ZNF804B: variants seen among roughly 807,000 people sequenced by gnomAD.
ZNF804B encodes the protein zinc finger protein 804B.
ZNF804B carries 80 observed loss-of-function variants against 101.4 expected under a neutral mutation model. The observed-to-expected ratio is 0.79, with a 90% CI of 0.66 to 0.95. The LOEUF is 0.95. ZNF804B is among the 40% of genes least tolerant of loss of function. The pLI, the probability that ZNF804B is intolerant of heterozygous loss-of-function variation, is 0.00. For synonymous variants in ZNF804B, 622 were observed against 558.8 expected, an observed-to-expected ratio of 1.11 and a Z score of -1.59; for missense variants, 1,673 against 1,561.9, an observed-to-expected ratio of 1.07 and a Z score of -1.20.
At chr7:89,273,855 T>A (rs1163724320) in intron 2 of ZNF804B, among the ~76,000 whole-genome samples, 1 of 152,164 alleles carries the variant, frequency 6.6e-6, no homozygotes, top group South Asian at 2.1e-4. Flanking sequence ...TAAATAACGA[T>A]AAAATGAGTT....
At chr7:88,858,363 A>C (rs1020405852) in intron 1 of ZNF804B, among the ~76,000 whole-genome samples, 3 of 152,214 alleles carry the variant, frequency 2.0e-5, no homozygotes, top group Admixed American at 6.5e-5. Flanking sequence ...TAACTTTAGC[A>C]ACAAAAATAT....
chr7:89,247,249 C>G (rs1467226777), intron 2 of ZNF804B, among the ~76,000 whole-genome samples: 1 of 152,198 alleles, frequency 6.6e-6, no homozygotes, highest in African/African-American at 2.4e-5. Context: ...CCTGGTCTAG[C>G]CTTGTTTATC....
intron 1 of ZNF804B, among the ~76,000 whole-genome samples, chr7:88,859,660 A>T (rs1197648859): frequency 6.6e-6 from 1 of 152,024 alleles, no homozygotes; most frequent in Non-Finnish European, 1.5e-5. Flanking sequence ...AATCAGGCCC[A>T]TTAGGACAGA....
intron 1 of ZNF804B, among the ~76,000 whole-genome samples, chr7:88,848,977 A>G (rs1390813443): frequency 6.6e-6 from 1 of 152,158 alleles, no homozygotes; most frequent in African/African-American, 2.4e-5. Flanking sequence ...CGTGTGTTAG[A>G]TAGATCATAG....
chr7:89,008,646 C>T (rs1011180742), intron 1 of ZNF804B, among the ~76,000 whole-genome samples: 1 of 152,114 alleles, frequency 6.6e-6, no homozygotes, highest in South Asian at 2.1e-4. Context: ...CTCCCACTCT[C>T]CACATTCTCA....
intron 1 of ZNF804B, among the ~76,000 whole-genome samples, chr7:89,181,277 C>T (rs1408073763): frequency 6.6e-6 from 1 of 152,176 alleles, no homozygotes; most frequent in Non-Finnish European, 1.5e-5. Context: ...CTAGGAATTG[C>T]ATTCCTTGTG....
At chr7:89,245,472 T>C (rs1337483630) in intron 2 of ZNF804B, among the ~76,000 whole-genome samples, 1 of 151,264 alleles carries the variant, frequency 6.6e-6, no homozygotes, top group Non-Finnish European at 1.5e-5. Flanking sequence ...AGCAGAAGAG[T>C]TTCAAGTGGC....
At chr7:89,075,744 G>C (rs762987740) in intron 1 of ZNF804B, among the ~76,000 whole-genome samples, 64 of 152,178 alleles carry the variant, frequency 4.2e-4, no homozygotes, top group Admixed American at 3.2e-3. Context: ...TTTGTACCAT[G>C]TGCCTGGAAA....
rs144015210 is a variant in ZNF804B at position 88,788,609 on chromosome 7, G to A, written c.108+28525G>A. ...TTTTGTTTCCTCTTCCAGAGTATATGCTCACTGGAAACACTGGCCTTGTCT... is the reference window on the plus strand; with the variant it reads ...TTTTGTTTCCTCTTCCAGAGTATATACTCACTGGAAACACTGGCCTTGTCT... On this transcript the variant is annotated intron_variant, in intron 1 of 3. Coordinates refer to ENST00000333190, the MANE Select transcript of ZNF804B (RefSeq NM_181646.5). 2.1e-3 allele frequency among the ~76,000 whole-genome samples: 322 copies of A among 152,174 alleles called. 2 individuals carry two copies. Among genetic ancestry groups the A allele is most frequent in the African/African-American group, 7.5e-3 (312 of 41,504 alleles).
At chr7:88,911,248 T>C (rs541924366) in intron 1 of ZNF804B, among the ~76,000 whole-genome samples, 3 of 151,924 alleles carry the variant, frequency 2.0e-5, no homozygotes, top group Admixed American at 2.0e-4. Context: ...AGTAGGATTT[T>C]ACCTTAATCA....
intron 1 of ZNF804B, among the ~76,000 whole-genome samples, chr7:88,895,840 A>G (rs1215283365): frequency 6.6e-6 from 1 of 152,228 alleles, no homozygotes; most frequent in African/African-American, 2.4e-5. Context: ...ATAAATATCT[A>G]TGAGTTTGTA....
intron 1 of ZNF804B, among the ~76,000 whole-genome samples, chr7:88,816,333 G>A (rs72615110): frequency 0.05 from 7,578 of 152,172 alleles, 314 homozygotes; most frequent in East Asian, 0.25. Context: ...CAGGGACTTC[G>A]TGTCTAAAAC....
chr7:89,210,886 T>G (rs796951712), intron 1 of ZNF804B, among the ~76,000 whole-genome samples: 1 of 152,234 alleles, frequency 6.6e-6, no homozygotes, highest in Non-Finnish European at 1.5e-5. Context: ...GATCAAATGG[T>G]ATTTCTAGTT....
intron 1 of ZNF804B, among the ~76,000 whole-genome samples, chr7:88,854,353 G>C (rs1791496555): frequency 6.6e-6 from 1 of 151,256 alleles, no homozygotes; most frequent in Non-Finnish European, 1.5e-5. Flanking sequence ...CAGAGGCTGT[G>C]CTCTTAAGTA....
At position 88,831,794 on chromosome 7, in the gene ZNF804B, G is replaced by T. The variant is rs1489169697; in HGVS notation, c.108+71710G>T. Among the ~76,000 whole-genome samples the T allele has an allele frequency of 2.6e-5, 4 of 151,836 alleles. 1 individual carries two copies. The highest frequency in any genetic ancestry group is 6.6e-5 in the Admixed American group (1 of 15,214). ...CTCTTTGACCATTTATAATTGAAAT[G>T]ATAGTTTCTTACTGATTCCTAAGAG... On this transcript the variant is annotated intron_variant, in intron 1 of 3. Transcript: ENST00000333190.
intron 1 of ZNF804B, among the ~76,000 whole-genome samples, chr7:88,828,157 G>A (rs1245377799): frequency 6.6e-6 from 1 of 152,072 alleles, no homozygotes; most frequent in African/African-American, 2.4e-5. Context: ...GCTTTCTGAT[G>A]CCATATCCCC....
At chr7:89,122,084 A>G (rs1790415266) in intron 1 of ZNF804B, among the ~76,000 whole-genome samples, 1 of 151,748 alleles carries the variant, frequency 6.6e-6, no homozygotes, top group Non-Finnish European at 1.5e-5. Flanking sequence ...TATATATTAA[A>G]CTACTTATTT....
intron 2 of ZNF804B, among the ~76,000 whole-genome samples, chr7:89,315,199 C>G (rs1365550945): frequency 6.6e-6 from 1 of 152,046 alleles, no homozygotes; most frequent in Non-Finnish European, 1.5e-5. Context: ...AATCATGTCT[C>G]ATGAGAACTC....
At chr7:88,929,795 A>G (rs1306120310) in intron 1 of ZNF804B, among the ~76,000 whole-genome samples, 2 of 152,016 alleles carry the variant, frequency 1.3e-5, no homozygotes, top group Non-Finnish European at 2.9e-5. Context: ...CGTTTAAGGT[A>G]TTACAATTTT....
Sources: allele counts gnomAD v4.1 joint callset (sites outside exome capture counted in the v4.1 genomes callset), GRCh38; gene constraint gnomAD v4.1.1; transcripts MANE v1.5; gene names NCBI Gene and HGNC (gene_info 2026-07-23, HGNC 2026-07-21).